The following CCSER2 variants were observed in gnomAD, a reference collection of about 807,000 sequenced individuals.
CCSER2 encodes coiled-coil serine rich protein 2.
CCSER2 carries 46 observed loss-of-function variants against 92.3 expected under a neutral mutation model. The ratio of observed to expected loss-of-function variants is 0.50; its 90% CI spans 0.39 to 0.64. CCSER2 has a LOEUF of 0.64. CCSER2 is among the 30% of genes least tolerant of loss of function. The pLI is 0.00. For synonymous variants in CCSER2, 433 were observed against 431.4 expected, an observed-to-expected ratio of 1.00 and a Z score of -0.04; for missense variants, 1,244 against 1,238.9, an observed-to-expected ratio of 1.00 and a Z score of -0.06.
intron 8 of CCSER2, chr10:84,472,995 C>A (rs1354758494): frequency 6.6e-6 from 1 of 152,138 alleles, no homozygotes; most frequent in Non-Finnish European, 1.5e-5. Context: ...TAATTTAGAA[C>A]TGTTCTTTTT....
intron 1 of CCSER2, among the ~76,000 whole-genome samples, chr10:84,351,824 T>C (rs1215885576): frequency 1.3e-5 from 2 of 152,208 alleles, no homozygotes; most frequent in Non-Finnish European, 2.9e-5. Context: ...AATGCTTATT[T>C]TGTGGCCTTA....
At chr10:84,337,034 G>A (rs1052606255) in intron 1 of CCSER2, among the ~76,000 whole-genome samples, 6 of 152,180 alleles carry the variant, frequency 3.9e-5, no homozygotes, top group East Asian at 3.9e-4. Flanking sequence ...GGGAAGTAAC[G>A]AGTTCAGTTT....
intron 9 of CCSER2, among the ~76,000 whole-genome samples, chr10:84,484,753 A>G (rs188164926): frequency 1.3e-5 from 2 of 152,204 alleles, no homozygotes; most frequent in Non-Finnish European, 2.9e-5. Context: ...GACAGGAGCC[A>G]TCTGTGTTGC....
At chr10:84,440,508 A>C (rs1430963123) in intron 6 of CCSER2, among the ~76,000 whole-genome samples, 3 of 152,208 alleles carry the variant, frequency 2.0e-5, no homozygotes, top group African/African-American at 7.2e-5. Context: ...AATGAAAAAA[A>C]CAGTATGTCT....
chr10:84,439,573 G>T (rs1844401505), intron 6 of CCSER2, among the ~76,000 whole-genome samples: 1 of 152,232 alleles, frequency 6.6e-6, no homozygotes, highest in Middle Eastern at 3.4e-3. Flanking sequence ...GTGAAATTTG[G>T]CTCCTGTGTT....
intron 1 of CCSER2, among the ~76,000 whole-genome samples, chr10:84,335,614 A>G (rs917817382): frequency 7.2e-5 from 11 of 152,168 alleles, no homozygotes; most frequent in African/African-American, 2.2e-4. Flanking sequence ...CCTCCCCAAC[A>G]CTGCCCCCAT....
At chr10:84,485,257 A>C (rs868767641) in intron 9 of CCSER2, among the ~76,000 whole-genome samples, 6 of 152,278 alleles carry the variant, frequency 3.9e-5, no homozygotes, top group South Asian at 2.1e-4. Flanking sequence ...TAACTTGTGT[A>C]GTAACTGTGC....
At chr10:84,451,019 A>C (rs1388152994) in intron 6 of CCSER2, among the ~76,000 whole-genome samples, 1 of 152,196 alleles carries the variant, frequency 6.6e-6, no homozygotes, top group Non-Finnish European at 1.5e-5. Context: ...AAATCATAAC[A>C]GCTTTGTTTT....
chr10:84,332,436 A>ATTT lies in CCSER2; in HGVS notation c.-40+3647_-40+3649dup, dbSNP rs1187303667. 1.1e-3 allele frequency among the ~76,000 whole-genome samples: 61 copies of ATTT among 55,210 alleles called. 2 individuals carry two copies. Among genetic ancestry groups the ATTT allele is most frequent in the African/African-American group, 6.3e-3 (55 of 8,700 alleles). The allele number at this position is 55,210 out of a possible 152,430, so 36.2% of individuals were successfully genotyped here. ...TTTATATATATATATATATATATAT[A>ATTT]TTTTTTTTTTTTTTTTTTTTTGAGA... On this transcript the variant is annotated intron_variant, in intron 1 of 9. Coordinates refer to ENST00000372088, the MANE Select transcript of CCSER2 (RefSeq NM_001284240.2).
At chr10:84,405,606 G>T (rs1842338253) in intron 3 of CCSER2, among the ~76,000 whole-genome samples, 1 of 152,120 alleles carries the variant, frequency 6.6e-6, no homozygotes, top group Non-Finnish European at 1.5e-5. Context: ...TTAAAAGTCA[G>T]CAATAAGTAA....
intron 1 of CCSER2, among the ~76,000 whole-genome samples, chr10:84,364,022 G>A: frequency 6.6e-6 from 1 of 152,070 alleles, no homozygotes; most frequent in East Asian, 1.9e-4. Flanking sequence ...CAATGGTAAG[G>A]AATTGTTTAT....
intron 9 of CCSER2, among the ~76,000 whole-genome samples, chr10:84,510,311 C>T (rs534859752): frequency 3.9e-5 from 6 of 152,156 alleles, no homozygotes; most frequent in South Asian, 2.1e-4. Context: ...GCAGATTGTT[C>T]GCGGTTCTGG....
chr10:84,470,218 T>A (rs950613872), intron 7 of CCSER2, among the ~76,000 whole-genome samples, 154 bp from the exon 8 acceptor site: 1 of 151,946 alleles, frequency 6.6e-6, no homozygotes, highest in Admixed American at 6.5e-5. Context: ...ATGTCACACT[T>A]CATTACCGGA....
chr10:84,464,864 A>G (rs904660908), intron 7 of CCSER2, among the ~76,000 whole-genome samples: 1 of 152,146 alleles, frequency 6.6e-6, no homozygotes, highest in Non-Finnish European at 1.5e-5. Flanking sequence ...AAACAATTCA[A>G]GGGGCCAGGC....
intron 1 of CCSER2, among the ~76,000 whole-genome samples, chr10:84,343,304 G>T (rs1415563738): frequency 6.6e-6 from 1 of 152,174 alleles, no homozygotes; most frequent in Non-Finnish European, 1.5e-5. Context: ...GAGTAGTCCA[G>T]ACTTCTCTTA....
At chr10:84,409,865 T>TA (rs1842562103) in intron 3 of CCSER2, among the ~76,000 whole-genome samples, 1 of 152,310 alleles carries the variant, frequency 6.6e-6, no homozygotes, top group African/African-American at 2.4e-5. Context: ...ATCATCCAGG[T>TA]ATTAAGCCCA....
intron 8 of CCSER2, among the ~76,000 whole-genome samples, chr10:84,475,159 A>G (rs1847062959): frequency 6.6e-6 from 1 of 152,118 alleles, no homozygotes; most frequent in African/African-American, 2.4e-5. Flanking sequence ...TTGATTGGCT[A>G]GATTTGAGTT....
chr10:84,475,650 C>T (rs1339093322), intron 8 of CCSER2, among the ~76,000 whole-genome samples: 1 of 152,064 alleles, frequency 6.6e-6, no homozygotes, highest in Non-Finnish European at 1.5e-5. Flanking sequence ...GGTGTGACCC[C>T]ATTATAAATC....
chr10:84,515,373 G>C lies in CCSER2; in HGVS notation c.*1106G>C, dbSNP rs961556670. 3.9e-5 allele frequency: 6 copies of C among 152,330 alleles called. No individual in the cohort carries two copies. The highest frequency in any genetic ancestry group is 1.2e-4 in the African/African-American group (5 of 41,400). The allele number at this position is 152,330 out of a possible 1,614,324, so 9.4% of individuals were successfully genotyped here. A position where few individuals can be genotyped will look rare whatever the true frequency, so the allele number is the denominator to read the frequency against. On this transcript the variant is annotated 3_prime_UTR_variant, in exon 10 of 10. Coordinates refer to ENST00000372088, the MANE Select transcript of CCSER2 (RefSeq NM_001284240.2). ...TAAATAAGACTATCTTGAGAAAGCT[G>C]GAGTTCATAATATTCTCCCCCTCCC... is the stretch of plus-strand genomic sequence containing the variant.
Sources: allele counts gnomAD v4.1 joint callset (sites outside exome capture counted in the v4.1 genomes callset), GRCh38; gene constraint gnomAD v4.1.1; transcripts MANE v1.5; gene names NCBI Gene and HGNC (gene_info 2026-07-23, HGNC 2026-07-21).